Variants in NPAS3 observed in about 807,000 individuals in gnomAD.
The protein encoded by NPAS3 is neuronal PAS domain protein 3.
A neutral mutation model predicts 73.1 loss-of-function variants in NPAS3; 14 were observed. The ratio of observed to expected loss-of-function variants is 0.19; its 90% CI spans 0.13 to 0.30. The LOEUF is 0.30. NPAS3 is among the 10% of genes least tolerant of loss of function. NPAS3 has a pLI of 1.00. For synonymous variants in NPAS3, 620 were observed against 541.5 expected, an observed-to-expected ratio of 1.14 and a Z score of -2.01; for missense variants, 1,096 against 1,250.0, an observed-to-expected ratio of 0.88 and a Z score of 1.86.
intron 4 of NPAS3, among the ~76,000 whole-genome samples, chr14:33,521,607 G>T (rs1386775923): frequency 2.6e-5 from 4 of 151,338 alleles, no homozygotes. Context: ...AGTTCCAAAG[G>T]CATTTCTATT....
At chr14:33,462,663 T>G (rs748032471) in intron 4 of NPAS3, among the ~76,000 whole-genome samples, 1 of 152,174 alleles carries the variant, frequency 6.6e-6, no homozygotes, top group Non-Finnish European at 1.5e-5. Context: ...AACACACATA[T>G]GCCAAATTGT....
chr14:33,395,282 A>G (rs928308672), intron 4 of NPAS3, among the ~76,000 whole-genome samples: 2 of 152,160 alleles, frequency 1.3e-5, no homozygotes, highest in African/African-American at 4.8e-5. Context: ...ACAATGGAAA[A>G]TAAATATTAT....
intron 4 of NPAS3, among the ~76,000 whole-genome samples, chr14:33,458,884 A>C (rs752718925): frequency 1.2e-4 from 19 of 152,254 alleles, no homozygotes; most frequent in Non-Finnish European, 2.4e-4. Flanking sequence ...TGGATCTCGC[A>C]CAAGAAATAA....
chr14:33,487,804 C>G (rs1280322415), intron 4 of NPAS3, among the ~76,000 whole-genome samples: 1 of 152,094 alleles, frequency 6.6e-6, no homozygotes, highest in Non-Finnish European at 1.5e-5. Context: ...TTTTGCTGTG[C>G]TACTAAAAGA....
At chr14:33,638,728 T>C (rs1163088420) in intron 5 of NPAS3, among the ~76,000 whole-genome samples, 2 of 152,316 alleles carry the variant, frequency 1.3e-5, no homozygotes, top group South Asian at 2.1e-4. Context: ...AATGAGGAAG[T>C]TGAAGCCACG....
intron 6 of NPAS3, among the ~76,000 whole-genome samples, chr14:33,695,788 A>T (rs951168685): frequency 6.6e-6 from 1 of 152,208 alleles, no homozygotes; most frequent in Non-Finnish European, 1.5e-5. Flanking sequence ...AAAGGAATTG[A>T]TTGCCACAGC....
At chr14:33,697,882 T>A (rs1291130981) in intron 6 of NPAS3, among the ~76,000 whole-genome samples, 1 of 152,250 alleles carries the variant, frequency 6.6e-6, no homozygotes, top group Admixed American at 6.5e-5. Flanking sequence ...TTATTAGACA[T>A]TCTGGTTTTT....
intron 4 of NPAS3, among the ~76,000 whole-genome samples, chr14:33,445,178 C>T (rs998019653): frequency 2.6e-5 from 4 of 152,180 alleles, no homozygotes; most frequent in African/African-American, 9.7e-5. Flanking sequence ...ATGCATGAGT[C>T]ACATCGCTCT....
intron 1 of NPAS3, among the ~76,000 whole-genome samples, chr14:32,985,182 T>A (rs771595989): frequency 1.4e-4 from 21 of 152,158 alleles, no homozygotes; most frequent in Non-Finnish European, 2.5e-4. Context: ...TCATATATAT[T>A]GATACAGAAA....
At chr14:33,225,241 C>T (rs1009976888) in intron 3 of NPAS3, among the ~76,000 whole-genome samples, 1 of 152,182 alleles carries the variant, frequency 6.6e-6, no homozygotes, top group Non-Finnish European at 1.5e-5. Context: ...GAACTATTGC[C>T]ATAGAGAGTC....
intron 7 of NPAS3, among the ~76,000 whole-genome samples, chr14:33,751,452 C>T (rs1226762980): frequency 6.6e-6 from 1 of 151,918 alleles, no homozygotes; most frequent in Non-Finnish European, 1.5e-5. Context: ...GAACCAGTAA[C>T]TCAAGGGAAA....
chr14:33,690,193 G>A (rs1261581326), intron 6 of NPAS3, among the ~76,000 whole-genome samples: 1 of 152,172 alleles, frequency 6.6e-6, no homozygotes, highest in Non-Finnish European at 1.5e-5. Flanking sequence ...CTGTGCTGGA[G>A]AATGGTGTGG....
chr14:33,559,589 G>C (rs1422795016), intron 4 of NPAS3, among the ~76,000 whole-genome samples: 1 of 152,156 alleles, frequency 6.6e-6, no homozygotes, highest in Non-Finnish European at 1.5e-5. Context: ...AATGTATCTT[G>C]ATCAAAATGA....
At chr14:33,049,267 A>G (rs1300526829) in intron 1 of NPAS3, among the ~76,000 whole-genome samples, 5 of 152,204 alleles carry the variant, frequency 3.3e-5, no homozygotes, top group Non-Finnish European at 7.3e-5. Flanking sequence ...CACCATCTCT[A>G]ACCCATGTGA....
intron 2 of NPAS3, among the ~76,000 whole-genome samples, chr14:33,132,850 G>T (rs546807371): frequency 5.9e-5 from 9 of 152,234 alleles, no homozygotes; most frequent in Non-Finnish European, 8.8e-5. Context: ...CTGTTATGCT[G>T]CATACATTTT....
downstream of NPAS3, chr14:33,802,785 A>G (rs2063747678): frequency 6.6e-6 from 1 of 152,282 alleles, no homozygotes; most frequent in African/African-American, 2.4e-5. Context: ...ATGTCACCCT[A>G]TGCTGCTTCT....
At chr14:33,691,824 C>T (rs773255931) in intron 6 of NPAS3, among the ~76,000 whole-genome samples, 1 of 152,132 alleles carries the variant, frequency 6.6e-6, no homozygotes, top group Admixed American at 6.5e-5. Context: ...CCAACTGGGG[C>T]TTTAAAATTT....
intron 4 of NPAS3, among the ~76,000 whole-genome samples, chr14:33,531,773 G>A (rs1441163950): frequency 6.6e-6 from 1 of 152,068 alleles, no homozygotes; most frequent in Non-Finnish European, 1.5e-5. Flanking sequence ...TTTTCCAGAG[G>A]GGCTGTACCA....
At chr14:33,626,991 G>A (rs560638543) in intron 5 of NPAS3, among the ~76,000 whole-genome samples, 1 of 151,920 alleles carries the variant, frequency 6.6e-6, no homozygotes, top group African/African-American at 2.4e-5. Flanking sequence ...GCCACACAAA[G>A]CATCAAAGAA....
Sources: allele counts gnomAD v4.1 joint callset (sites outside exome capture counted in the v4.1 genomes callset), GRCh38; gene constraint gnomAD v4.1.1; transcripts MANE v1.5; gene names NCBI Gene and HGNC (gene_info 2026-07-23, HGNC 2026-07-21).